POU3F3: variants seen among roughly 807,000 people sequenced by gnomAD.
POU3F3 encodes the protein POU domain, class 3, transcription factor 3.
In POU3F3, 1 loss-of-function variant was observed where a neutral mutation model predicts 8.6. The observed-to-expected ratio is 0.12, with a 90% CI of 0.04 to 0.55. The LOEUF is 0.55. Among genes scored for constraint, POU3F3 ranks in the 20% least tolerant of loss-of-function variants. The pLI is 0.91. For missense variants in POU3F3, 577 were observed against 690.7 expected (o/e 0.84, Z 1.84); for synonymous variants, 418 against 327.4 (o/e 1.28, Z -2.99).
chr2:104,860,251 T>C (rs1170024719), downstream of POU3F3, among the ~76,000 whole-genome samples: 1 of 152,210 alleles, frequency 6.6e-6, no homozygotes, highest in Non-Finnish European at 1.5e-5. Context: ...ACCCATTTTG[T>C]TTCATTATTT....
chr2:104,871,969 G>A, the POU3F3 span, among the ~76,000 whole-genome samples: 13 of 152,118 alleles, frequency 8.5e-5, no homozygotes, highest in African/African-American at 1.2e-4. Context: ...GAAGAGGGAG[G>A]TGACAAGACC....
At chr2:104,885,873 C>G in the POU3F3 span, among the ~76,000 whole-genome samples, 1 of 152,102 alleles carries the variant, frequency 6.6e-6, no homozygotes, top group Non-Finnish European at 1.5e-5. Context: ...TCTCGGCTCA[C>G]TGAAACCTCT....
chr2:104,904,878 G>A, the POU3F3 span, among the ~76,000 whole-genome samples: 1 of 152,144 alleles, frequency 6.6e-6, no homozygotes, highest in African/African-American at 2.4e-5. Flanking sequence ...TGCAGTTTGG[G>A]AAGAGAAAGG....
the POU3F3 span, among the ~76,000 whole-genome samples, chr2:104,888,822 C>A: frequency 6.6e-6 from 1 of 152,172 alleles, no homozygotes; most frequent in African/African-American, 2.4e-5. Context: ...CCTTCACCAC[C>A]ACCCTCCCTT....
rs1445272224 is a variant in POU3F3 at position 104,856,086 on chromosome 2, T to C, written c.576T>C (p.Ala192=). The C allele has an allele frequency of 6.9e-6, 7 of 1,015,798 alleles. No individual in the cohort carries two copies. The highest frequency in any genetic ancestry group is 4.5e-5 in the South Asian group (1 of 21,998). The allele number at this position is 1,015,798 out of a possible 1,614,324, so 62.9% of individuals were successfully genotyped here. A position where few individuals can be genotyped will look rare whatever the true frequency, so the allele number is the denominator to read the frequency against. Residue 192 remains alanine (A), a synonymous_variant, in exon 1 of 1, where the codon GCT becomes GCC. Transcript: ENST00000361360. ...GHPGGWGAAA[A]AAAAAAAAAA... ...CTGGGGGCTGGGGGGCGGCCGCCGC[T>C]GCCGCAGCCGCAGCCGCCGCCGCCG...
At chr2:104,927,746 CAAAAAAAAAAA>C in the POU3F3 span, among the ~76,000 whole-genome samples, 3 of 79,460 alleles carry the variant, frequency 3.8e-5, no homozygotes, top group African/African-American at 1.0e-4. Flanking sequence ...GACCTTGTCT[CAAAAAAAAAAA>C]AAAAAAAAAA....
chr2:104,891,179 C>T, the POU3F3 span, among the ~76,000 whole-genome samples: 1 of 152,220 alleles, frequency 6.6e-6, no homozygotes. Flanking sequence ...ATTAGCTCCT[C>T]TTTCCATCCA....
At chr2:104,884,416 C>G in the POU3F3 span, among the ~76,000 whole-genome samples, 1 of 152,064 alleles carries the variant, frequency 6.6e-6, no homozygotes, top group African/African-American at 2.4e-5. Context: ...ACATCGACAC[C>G]GCAGGGGACC....
the POU3F3 span, among the ~76,000 whole-genome samples, chr2:104,904,800 C>G: frequency 3.3e-5 from 5 of 152,076 alleles, no homozygotes; most frequent in African/African-American, 1.2e-4. Context: ...GACTGAAGCT[C>G]TTAAGGCTGT....
the POU3F3 span, among the ~76,000 whole-genome samples, chr2:104,894,456 A>G: frequency 2.0e-5 from 3 of 152,306 alleles, no homozygotes; most frequent in Non-Finnish European, 4.4e-5. Flanking sequence ...TCCCGGTCAC[A>G]GCCCCATGGT....
At position 104,855,585 on chromosome 2, in the gene POU3F3, C is replaced by T; in HGVS notation, c.75C>T (p.Asp25=). Residue 25 remains aspartate (D), a synonymous_variant, in exon 1 of 1, where the codon GAC becomes GAT. Transcript: ENST00000361360. The part of the protein sequence containing the change: ...LLAAGSIVHS[D]AAGAGGGGGG... ...CGGCCGGCTCTATTGTGCACTCGGA[C>T]GCGGCAGGGGCTGGCGGCGGCGGGG... The T allele has an allele frequency of 1.0e-6, 1 of 982,872 alleles. No individual in the cohort carries two copies. The highest frequency in any genetic ancestry group is 1.2e-6 in the Non-Finnish European group (1 of 836,788). 60.9% of individuals were successfully genotyped at this position (982,872 alleles called of 1,614,324 possible).
the POU3F3 span, among the ~76,000 whole-genome samples, chr2:104,887,902 A>C: frequency 6.6e-6 from 1 of 152,246 alleles, no homozygotes; most frequent in South Asian, 2.1e-4. Flanking sequence ...AGCGGGGAAC[A>C]CTTAAGAAGT....
the POU3F3 span, among the ~76,000 whole-genome samples, chr2:104,871,993 C>T: frequency 6.6e-6 from 1 of 152,168 alleles, no homozygotes; most frequent in African/African-American, 2.4e-5. Flanking sequence ...CAGACCTTCC[C>T]ACGCGCGGGC....
chr2:104,873,578 C>T, the POU3F3 span, among the ~76,000 whole-genome samples: 31 of 152,146 alleles, frequency 2.0e-4, no homozygotes, highest in Non-Finnish European at 2.4e-4. Flanking sequence ...CTTTTTGTTC[C>T]GGGCCAGGAG....
At chr2:104,906,505 G>A in the POU3F3 span, among the ~76,000 whole-genome samples, 86 of 152,184 alleles carry the variant, frequency 5.7e-4, 1 homozygote, top group Middle Eastern at 3.4e-3. Flanking sequence ...AATTGTCCTG[G>A]TTAATCCCAA....
At chr2:104,902,849 A>G in the POU3F3 span, among the ~76,000 whole-genome samples, 1 of 152,240 alleles carries the variant, frequency 6.6e-6, no homozygotes, top group Admixed American at 6.5e-5. Context: ...AGAAATAACT[A>G]TTCACCACAC....
the POU3F3 span, among the ~76,000 whole-genome samples, chr2:104,864,425 A>C: frequency 6.6e-6 from 1 of 152,220 alleles, no homozygotes; most frequent in Non-Finnish European, 1.5e-5. Flanking sequence ...TAAACCCCAC[A>C]ACTGACTCCA....
At chr2:104,899,978 C>T in the POU3F3 span, among the ~76,000 whole-genome samples, 2 of 152,178 alleles carry the variant, frequency 1.3e-5, no homozygotes, top group African/African-American at 4.8e-5. Flanking sequence ...TAGCAGGGAG[C>T]CCACTTAAAT....
the POU3F3 span, among the ~76,000 whole-genome samples, chr2:104,893,536 A>G: frequency 6.6e-6 from 1 of 152,218 alleles, no homozygotes; most frequent in East Asian, 1.9e-4. Flanking sequence ...CGGATGCTGC[A>G]TTGTTTTCAG....
Sources: allele counts gnomAD v4.1 joint callset (sites outside exome capture counted in the v4.1 genomes callset), GRCh38; gene constraint gnomAD v4.1.1; transcripts MANE v1.5; gene names NCBI Gene and HGNC (gene_info 2026-07-23, HGNC 2026-07-21).